The following CCDC178 variants were observed in gnomAD, a reference collection of about 807,000 sequenced individuals.
CCDC178 encodes the protein coiled-coil domain-containing protein 178.
A neutral mutation model predicts 117.4 loss-of-function variants in CCDC178; 126 were observed. The ratio of observed to expected loss-of-function variants is 1.07; its 90% CI spans 0.93 to 1.24. CCDC178 has a LOEUF of 1.24. Ranked by LOEUF, CCDC178 falls within the 50% of genes most tolerant of loss-of-function variation. The pLI, the probability that CCDC178 is intolerant of heterozygous loss-of-function variation, is 0.00. For missense variants in CCDC178, 1,030 were observed against 986.9 expected, an observed-to-expected ratio of 1.04 and a Z score of -0.59; for synonymous variants, 283 against 313.4, an observed-to-expected ratio of 0.90 and a Z score of 1.02.
At chr18:33,397,048 G>T in intron 4 of CCDC178, 101 bp downstream of exon 4, 1 of 750,338 alleles carries the variant, frequency 1.3e-6, no homozygotes, top group Non-Finnish European at 2.2e-6. Flanking sequence ...AGGAAGAACA[G>T]AAGAATGCCT....
chr18:33,191,991 T>C (rs1254378970), intron 20 of CCDC178, among the ~76,000 whole-genome samples: 1 of 152,184 alleles, frequency 6.6e-6, no homozygotes, highest in East Asian at 1.9e-4. Flanking sequence ...TGTTATATGA[T>C]AGAAACTGAT....
At chr18:32,962,099 A>ATT (rs2054716183) in intron 22 of CCDC178, among the ~76,000 whole-genome samples, 1 of 151,946 alleles carries the variant, frequency 6.6e-6, no homozygotes, top group South Asian at 2.1e-4. Context: ...GAGAGTAACA[A>ATT]TATACATCTC....
chr18:33,366,623 T>A (rs2063210950), intron 6 of CCDC178, among the ~76,000 whole-genome samples: 2 of 152,072 alleles, frequency 1.3e-5, no homozygotes, highest in South Asian at 4.1e-4. Flanking sequence ...CACCAATGTA[T>A]ACAAATCCGT....
intron 21 of CCDC178, among the ~76,000 whole-genome samples, chr18:32,975,111 T>C (rs977248695): frequency 3.9e-5 from 6 of 152,188 alleles, no homozygotes; most frequent in African/African-American, 1.4e-4. Flanking sequence ...ACTTTAAGAC[T>C]TTGATGGACA....
At chr18:33,133,394 C>A (rs1281222686) in intron 20 of CCDC178, among the ~76,000 whole-genome samples, 32 of 151,692 alleles carry the variant, frequency 2.1e-4, no homozygotes, top group Non-Finnish European at 1.5e-5. Flanking sequence ...TAAATTTGAT[C>A]ATGCCTAACT....
At chr18:33,327,240 G>A (rs2062597018) in intron 10 of CCDC178, among the ~76,000 whole-genome samples, 1 of 151,988 alleles carries the variant, frequency 6.6e-6, no homozygotes, top group African/African-American at 2.4e-5. Flanking sequence ...TTAGCATAAT[G>A]CTTTGACGTT....
chr18:33,132,265 C>T (rs1197245835), intron 20 of CCDC178, among the ~76,000 whole-genome samples: 1 of 151,716 alleles, frequency 6.6e-6, no homozygotes, highest in Non-Finnish European at 1.5e-5. Flanking sequence ...TAATTCTCTG[C>T]ATATCCTCTT....
rs142870493 is a variant in CCDC178 at position 33,303,617 on chromosome 18, A to C, written c.1023-10305T>G. ...GAGAAGGGATAAAAGGGAGCTTTCT[A>C]AACTTTCCACCCAATTTTGCTGTGA... On this transcript the variant is annotated intron_variant, in intron 11 of 22. Transcript: ENST00000383096. Among the ~76,000 whole-genome samples, 256 of 152,206 alleles carry C rather than the reference A, an allele frequency of 1.7e-3. 1 individual carries two copies. The highest frequency in any genetic ancestry group is 3.1e-3 in the African/African-American group (128 of 41,528).
intron 20 of CCDC178, among the ~76,000 whole-genome samples, chr18:33,127,287 G>A (rs2058018869): frequency 6.6e-6 from 1 of 151,796 alleles, no homozygotes; most frequent in Admixed American, 6.6e-5. Context: ...ACTACAAATG[G>A]CAGCATATCT....
chr18:33,168,101 G>T (rs11660410), intron 20 of CCDC178, among the ~76,000 whole-genome samples: 115,695 of 152,080 alleles, frequency 0.76, 47,713 homozygotes, highest in South Asian at 0.93. Context: ...AGTCCCATTT[G>T]TCAATATTTG....
chr18:33,383,683 G>C (rs1480547709), intron 5 of CCDC178, among the ~76,000 whole-genome samples: 1 of 151,938 alleles, frequency 6.6e-6, no homozygotes, highest in East Asian at 1.9e-4. Flanking sequence ...CAACAAAAAA[G>C]ACCCCACAAA....
rs151055347 is a variant in CCDC178, at chr18:33,131,657, C to G, written c.2239-38747G>C. Among the ~76,000 whole-genome samples the G allele has an allele frequency of 2.1e-3, 314 of 151,706 alleles. 1 individual carries two copies. In the East Asian group the frequency reaches 0.037, roughly 18 times the overall value. The stretch of plus-strand genomic sequence containing the variant: ...AAACATTAAAAGAATATTTGTTGCC[C>G]TGAATGATTGTTTCAGAGAAATGAA... On this transcript the variant is annotated intron_variant, in intron 20 of 22. Transcript: ENST00000383096.
At chr18:33,281,570 A>G (rs1190255076) in intron 12 of CCDC178, among the ~76,000 whole-genome samples, 5 of 152,194 alleles carry the variant, frequency 3.3e-5, no homozygotes, top group Non-Finnish European at 5.9e-5. Context: ...ACAAGATCCA[A>G]TAGACAATGT....
At chr18:33,129,004 A>C (rs2144247594) in intron 20 of CCDC178, among the ~76,000 whole-genome samples, 1 of 152,304 alleles carries the variant, frequency 6.6e-6, no homozygotes, top group South Asian at 2.1e-4. Flanking sequence ...GTTATGAGAT[A>C]GTTAAGATTC....
At position 33,414,508 on chromosome 18, in the gene CCDC178, T is replaced by C. The variant is rs2063905473; in HGVS notation, c.-22-2398A>G. Among the ~76,000 whole-genome samples, 4 of 152,172 alleles carry C rather than the reference T, an allele frequency of 2.6e-5. No homozygotes were observed. The South Asian group carries it at 6.2e-4, about 24-fold the overall frequency. Reference sequence around the variant, plus strand: ...AACTGGCTAGCCACAGGTAGAAAGCTGAAACTGGATCCCTTCCTTACACCT... The same window carrying C: ...AACTGGCTAGCCACAGGTAGAAAGCCGAAACTGGATCCCTTCCTTACACCT... On this transcript the variant is annotated intron_variant, in intron 2 of 22. Coordinates refer to ENST00000383096, the MANE Select transcript of CCDC178 (RefSeq NM_001105528.4).
At chr18:33,068,654 C>T (rs2057059320) in intron 21 of CCDC178, among the ~76,000 whole-genome samples, 1 of 148,738 alleles carries the variant, frequency 6.7e-6, no homozygotes, top group Non-Finnish European at 1.5e-5. Flanking sequence ...AAATTAGGTA[C>T]AGAAGGAAAT....
At chr18:33,412,903 CT>C (rs1028145337) in intron 2 of CCDC178, among the ~76,000 whole-genome samples, 1 of 152,060 alleles carries the variant, frequency 6.6e-6, no homozygotes, top group Non-Finnish European at 1.5e-5. Context: ...TCTCCCTGTA[CT>C]TTTTTTCTCC....
At chr18:33,420,501 G>T (rs2064009738) in intron 2 of CCDC178, among the ~76,000 whole-genome samples, 1 of 152,162 alleles carries the variant, frequency 6.6e-6, no homozygotes, top group Non-Finnish European at 1.5e-5. Context: ...TGACAGCCAT[G>T]CACCCCAACA....
chr18:33,379,474 T>C (rs1318078194), intron 5 of CCDC178, among the ~76,000 whole-genome samples: 1 of 152,052 alleles, frequency 6.6e-6, no homozygotes, highest in Non-Finnish European at 1.5e-5. Context: ...AATAGGATGA[T>C]TCCTGGAGTA....
Sources: gnomAD v4.1 joint callset for allele counts (sites outside exome capture counted in the v4.1 genomes callset) on GRCh38, gnomAD v4.1.1 for gene constraint, MANE v1.5 for transcripts, NCBI Gene and HGNC (gene_info 2026-07-23, HGNC 2026-07-21) for gene names.